Variants in BTLA observed in about 807,000 individuals in gnomAD.
The protein encoded by BTLA is B and T lymphocyte associated, also known as B- and T-lymphocyte attenuator.
Under a neutral mutation model 25.0 loss-of-function variants are expected in BTLA, and 11 were observed. The observed-to-expected ratio is 0.44, with a 90% CI of 0.28 to 0.73. BTLA has a LOEUF of 0.73. BTLA is among the 30% of genes least tolerant of loss of function. The pLI is 0.15. For missense variants in BTLA, 282 were observed against 332.8 expected, an observed-to-expected ratio of 0.85 and a Z score of 1.19; for synonymous variants, 104 against 119.8, an observed-to-expected ratio of 0.87 and a Z score of 0.86.
chr3:112,474,735 G>C (rs554151644), intron 2 of BTLA, among the ~76,000 whole-genome samples: 3 of 152,202 alleles, frequency 2.0e-5, no homozygotes, highest in Admixed American at 6.5e-5. Context: ...AGGAGGGGTA[G>C]AATTTCCATA....
At chr3:112,487,571 G>T (rs1235023884) in intron 1 of BTLA, among the ~76,000 whole-genome samples, 1 of 150,186 alleles carries the variant, frequency 6.7e-6, no homozygotes, top group Admixed American at 6.6e-5. Context: ...GGCAACAAGA[G>T]CGAAAATCTG....
intron 1 of BTLA, among the ~76,000 whole-genome samples, chr3:112,498,635 C>T (rs562835586): frequency 7.7e-4 from 95 of 124,006 alleles, no homozygotes; most frequent in African/African-American, 3.1e-3. Context: ...ATCATCTTTG[C>T]AGAATCCAAC....
At chr3:112,490,414 C>T (rs1407855844) in intron 1 of BTLA, among the ~76,000 whole-genome samples, 1 of 152,118 alleles carries the variant, frequency 6.6e-6, no homozygotes, top group African/African-American at 2.4e-5. Context: ...CTGACTGGCC[C>T]TCAGTCCCTT....
At chr3:112,468,500 C>T (rs975530469) in intron 4 of BTLA, among the ~76,000 whole-genome samples, 9 of 152,092 alleles carry the variant, frequency 5.9e-5, no homozygotes, top group African/African-American at 2.2e-4. Context: ...CTGTTAATAG[C>T]AAAAACGCTT....
chr3:112,490,538 C>A (rs2107335371), intron 1 of BTLA, among the ~76,000 whole-genome samples: 1 of 151,380 alleles, frequency 6.6e-6, no homozygotes, highest in East Asian at 1.9e-4. Context: ...GTAGATTTAA[C>A]TTATTCTCTG....
chr3:112,484,001 T>TG (rs1284004435), intron 1 of BTLA, among the ~76,000 whole-genome samples: 1 of 150,578 alleles, frequency 6.6e-6, no homozygotes, highest in African/African-American at 2.4e-5. Context: ...CAACTTTGCA[T>TG]GGGTCTGCAG....
chr3:112,464,287 G>A lies in BTLA; in HGVS notation c.*1821C>T, dbSNP rs2082213047. ...GACATACTAAGGATATTTTAAATAA[G>A]ACAGAAATATTTTGCTTTTAAGTTT... On this transcript the variant is annotated 3_prime_UTR_variant, in exon 5 of 5. Transcript: ENST00000334529. The A allele has an allele frequency of 2.5e-6, 1 of 394,810 alleles. No individual in the cohort carries two copies. The highest frequency in any genetic ancestry group is 1.3e-4 in the South Asian group (1 of 7,528). 24.5% of individuals were successfully genotyped at this position (394,810 alleles called of 1,614,324 possible).
upstream of BTLA, chr3:112,499,540 G>C (rs567316784): frequency 1.0e-4 from 54 of 535,318 alleles, no homozygotes; most frequent in Non-Finnish European, 1.7e-4. Flanking sequence ...ATGATTTTGT[G>C]AAAAAAAGTG....
intron 1 of BTLA, among the ~76,000 whole-genome samples, chr3:112,497,337 T>C (rs1223534753): frequency 6.6e-6 from 1 of 152,058 alleles, no homozygotes; most frequent in Non-Finnish European, 1.5e-5. Context: ...ATTGTACAAA[T>C]GAGGAAACTA....
chr3:112,480,141 C>A (rs2082310360), intron 1 of BTLA, among the ~76,000 whole-genome samples: 1 of 152,148 alleles, frequency 6.6e-6, no homozygotes, highest in Non-Finnish European at 1.5e-5. Flanking sequence ...CCTAACTGAT[C>A]AATGTACTTT....
chr3:112,481,844 C>T (rs1450305170), intron 1 of BTLA, among the ~76,000 whole-genome samples: 1 of 152,148 alleles, frequency 6.6e-6, no homozygotes, highest in Non-Finnish European at 1.5e-5. Context: ...TTTTTTCCCT[C>T]CTGCCTCTTA....
At chr3:112,483,760 G>A (rs1454372419) in intron 1 of BTLA, among the ~76,000 whole-genome samples, 1 of 151,966 alleles carries the variant, frequency 6.6e-6, no homozygotes, top group African/African-American at 2.4e-5. Context: ...CTGAGGTCAG[G>A]AGTTTAAGAC....
intron 3 of BTLA, among the ~76,000 whole-genome samples, chr3:112,470,888 G>T (rs915230727): frequency 6.6e-6 from 1 of 152,316 alleles, no homozygotes; most frequent in Middle Eastern, 3.4e-3. Context: ...TTCCAATCCT[G>T]TTAAGGTTTA....
At chr3:112,494,753 G>A (rs1489592245) in intron 1 of BTLA, among the ~76,000 whole-genome samples, 1 of 152,168 alleles carries the variant, frequency 6.6e-6, no homozygotes, top group African/African-American at 2.4e-5. Flanking sequence ...GAGCCTGTTG[G>A]GGAGTAGGGG....
Position 112,471,289 on chromosome 3 carries a change from CGA to C in BTLA, c.468_469del (p.Tyr156Ter). 1 of 1,614,084 alleles carries C rather than the reference CGA, an allele frequency of 6.2e-7. No individual in the cohort carries two copies. ...AGGCAATCCCCCCAAAGGAAGTAAA[CGA>C]TACAGGAGCCAGGGTCTGCTTGCCA... is the stretch of plus-strand genomic sequence containing the variant. On this transcript the variant is annotated stop_gained and frameshift_variant, in exon 3 of 5. Transcript: ENST00000334529. LOFTEE classifies it high-confidence loss of function.
chr3:112,466,110 A>AGG lies in BTLA; in HGVS notation c.867_868insCC (p.Ter290ProfsTer12). 1 of 1,584,646 alleles carries AGG rather than the reference A, an allele frequency of 6.3e-7. No individual in the cohort carries two copies. Among genetic ancestry groups the AGG allele is most frequent in the Non-Finnish European group, 8.6e-7 (1 of 1,158,386 alleles). On this transcript the variant is annotated frameshift_variant, in exon 5 of 5. Transcript: ENST00000334529. LOFTEE classifies it high-confidence loss of function. ...CCCTGTTGGAGTCAGAAACAGACTT[A>AGG]ACTCCTCACACATATGGATGCATAT...
At chr3:112,480,525 T>C (rs561281438) in intron 1 of BTLA, among the ~76,000 whole-genome samples, 1 of 152,330 alleles carries the variant, frequency 6.6e-6, no homozygotes, top group African/African-American at 2.4e-5. Flanking sequence ...AAGAGCATGG[T>C]GCCAGCATCT....
At chr3:112,484,997 G>T (rs2082338486) in intron 1 of BTLA, among the ~76,000 whole-genome samples, 1 of 152,114 alleles carries the variant, frequency 6.6e-6, no homozygotes, top group Non-Finnish European at 1.5e-5. Context: ...GATGTTTGTA[G>T]TGTAAAAATG....
At chr3:112,473,445 T>G (rs1375827040) in intron 2 of BTLA, among the ~76,000 whole-genome samples, 2 of 152,060 alleles carry the variant, frequency 1.3e-5, no homozygotes, top group East Asian at 3.9e-4. Flanking sequence ...GGACACAGTA[T>G]AGTCTGCACA....
Sources: allele counts gnomAD v4.1 joint callset (sites outside exome capture counted in the v4.1 genomes callset), GRCh38; gene constraint gnomAD v4.1.1; transcripts MANE v1.5; gene names NCBI Gene and HGNC (gene_info 2026-07-23, HGNC 2026-07-21).